Variants in FBXO38 observed in about 807,000 individuals in gnomAD.
FBXO38 encodes F-box protein 38, also known as F-box only protein 38.
FBXO38 carries 53 observed loss-of-function variants against 131.9 expected under a neutral mutation model. That is an observed-to-expected ratio of 0.40 (90% confidence interval 0.32 to 0.51). The LOEUF (loss-of-function observed/expected upper bound fraction) is 0.51. Ranked by LOEUF, FBXO38 falls within the 20% of genes least tolerant of loss-of-function variation. The probability of loss-of-function intolerance (pLI) is 0.53; values close to 1 mark genes in which losing one functional copy is unlikely to be tolerated. For missense variants in FBXO38, 1,076 were observed against 1,475.6 expected (o/e 0.73, Z 4.44); for synonymous variants, 452 against 505.6 (o/e 0.89, Z 1.42).
At chr5:148,412,636 T>A (rs930646001) in intron 9 of FBXO38, among the ~76,000 whole-genome samples, 1 of 152,064 alleles carries the variant, frequency 6.6e-6, no homozygotes, top group African/African-American at 2.4e-5. Context: ...GTTCTAGCAA[T>A]TTAGTCCTAG....
rs950760967 is a variant in FBXO38, at chr5:148,432,790, T to C, written c.2654-634T>C. Reference sequence around the variant, plus strand: ...TGTTGTTGCCTTTAACGAGCTGTTATGTGAATGGACCAACAAAACAAGTAT... The same window carrying C: ...TGTTGTTGCCTTTAACGAGCTGTTACGTGAATGGACCAACAAAACAAGTAT... On this transcript the variant is annotated intron_variant, in intron 15 of 21. Coordinates refer to ENST00000340253, the MANE Select transcript of FBXO38 (RefSeq NM_205836.3). Among the ~76,000 whole-genome samples the C allele has an allele frequency of 1.2e-4, 19 of 152,358 alleles. No individual in the cohort carries two copies. In the South Asian group the frequency reaches 3.5e-3, roughly 28 times the overall value.
Position 148,414,241 on chromosome 5 carries a change from C to G in FBXO38, c.1199C>G (p.Ser400Cys), listed in dbSNP as rs200134475. The G allele has an allele frequency of 1.2e-5, 20 of 1,612,494 alleles. No individual in the cohort carries two copies. Among genetic ancestry groups the G allele is most frequent in the Non-Finnish European group, 1.6e-5 (19 of 1,179,296 alleles). The change falls in exon 10 of 22, where the codon TCC becomes TGC. Residue 400 changes from serine to cysteine, a missense_variant. Around this residue, in one of 8 missense-constraint regions of FBXO38, gnomAD observed 146 missense variants for 274.3 expected, o/e 0.53. Coordinates refer to ENST00000340253, the MANE Select transcript of FBXO38 (RefSeq NM_205836.3). ...ATGAAAGCAGTCAATGAAGTTTTTT[C>G]CTGTATCAAATATCTGGCAATTTAC... ...IGMKAVNEVF[S>C]CIKYLAIYNC...
intron 9 of FBXO38, 36 bp from the exon 10 acceptor site, chr5:148,414,100 T>A (rs762465817): frequency 3.8e-6 from 6 of 1,577,422 alleles, no homozygotes; most frequent in Non-Finnish European, 5.1e-6. Flanking sequence ...CTTAAGAATT[T>A]GACTTTTTTT....
At chr5:148,396,030 A>G (rs1325862680) in intron 2 of FBXO38, among the ~76,000 whole-genome samples, 1 of 152,150 alleles carries the variant, frequency 6.6e-6, no homozygotes, top group Non-Finnish European at 1.5e-5. Flanking sequence ...TAAAATAGCA[A>G]TAACAGTTAT....
Position 148,417,053 on chromosome 5 carries a change from T to C in FBXO38, c.1467T>C (p.Val489=), listed in dbSNP as rs759754735. Reference sequence around the variant, plus strand: ...GAATTGGTGTTTCATCAGCTCTTGTTAGCAACCAGAACTCCAACAATGACG... The same window carrying C: ...GAATTGGTGTTTCATCAGCTCTTGTCAGCAACCAGAACTCCAACAATGACG... ...GTGIGVSSAL[V]SNQNSNNDDN... The change falls in exon 12 of 22, where the codon GTT becomes GTC. Residue 489 remains valine, a synonymous_variant. Transcript: ENST00000340253. 2 of 1,613,862 alleles carry C rather than the reference T, an allele frequency of 1.2e-6. No individual in the cohort carries two copies. Among genetic ancestry groups the C allele is most frequent in the South Asian group, 1.1e-5 (1 of 91,068 alleles).
intron 12 of FBXO38, among the ~76,000 whole-genome samples, chr5:148,420,494 G>A (rs1581267423): frequency 6.6e-6 from 1 of 152,056 alleles, no homozygotes. Context: ...TTCTGTAATT[G>A]CTAAAGCATA....
intron 17 of FBXO38, among the ~76,000 whole-genome samples, chr5:148,435,254 T>C (rs1581302012): frequency 6.6e-6 from 1 of 152,232 alleles, no homozygotes; most frequent in East Asian, 1.9e-4. Flanking sequence ...TGTGGCTGGT[T>C]TGATTTGTCT....
In FBXO38 at chr5:148,396,459, A is replaced by G. The variant is rs183917770; in HGVS notation, c.128+1555A>G. On this transcript the variant is annotated intron_variant, in intron 2 of 21. Transcript: ENST00000340253. ...TTCAGCAATGATGTCTCAACCTACA[A>G]ACCATTTGGAGAAAAAAATAAAAGC... 3.1e-4 allele frequency among the ~76,000 whole-genome samples: 47 copies of G among 152,286 alleles called. 1 individual carries two copies. Among genetic ancestry groups the G allele is most frequent in the African/African-American group, 1.0e-3 (43 of 41,562 alleles).
chr5:148,414,329 G>C, intron 10 of FBXO38, 23 bp downstream of exon 10: 1 of 1,544,498 alleles, frequency 6.5e-7, no homozygotes. Flanking sequence ...TAAAAATACA[G>C]CTATGTTTTA....
chr5:148,392,916 G>A (rs1044946152), intron 1 of FBXO38, among the ~76,000 whole-genome samples: 1 of 152,110 alleles, frequency 6.6e-6, no homozygotes, highest in Non-Finnish European at 1.5e-5. Context: ...TCATTTGGAG[G>A]AGGCAGGGCA....
At chr5:148,398,973 A>G (rs753296785) in intron 2 of FBXO38, 26 bp from the exon 3 acceptor site, 4 of 1,612,390 alleles carry the variant, frequency 2.5e-6, no homozygotes, top group Non-Finnish European at 3.4e-6. Flanking sequence ...CCACTTGATA[A>G]ATACGAGTTT....
intron 10 of FBXO38, among the ~76,000 whole-genome samples, chr5:148,415,029 A>C (rs1752971798): frequency 6.6e-6 from 1 of 152,112 alleles, no homozygotes; most frequent in African/African-American, 2.4e-5. Context: ...CAAAGCTACT[A>C]TCCAGGCCTA....
intron 12 of FBXO38, among the ~76,000 whole-genome samples, chr5:148,419,368 TAA>T (rs1230997741): frequency 1.3e-5 from 2 of 152,010 alleles, no homozygotes; most frequent in African/African-American, 4.8e-5. Flanking sequence ...CACACACATA[TAA>T]GTTAGATTTT....
chr5:148,435,943 C>T (rs1005771675), intron 17 of FBXO38, among the ~76,000 whole-genome samples: 35 of 152,116 alleles, frequency 2.3e-4, no homozygotes, highest in African/African-American at 8.5e-4. Context: ...GGAGAGCAGT[C>T]AGGACACACA....
intron 1 of FBXO38, among the ~76,000 whole-genome samples, chr5:148,393,561 G>A (rs943902214): frequency 1.3e-5 from 2 of 152,004 alleles, no homozygotes; most frequent in Non-Finnish European, 1.5e-5. Context: ...GTTATATGAG[G>A]CTTCACAACT....
chr5:148,438,019 A>C (rs1306444598), intron 17 of FBXO38, among the ~76,000 whole-genome samples: 1 of 152,196 alleles, frequency 6.6e-6, no homozygotes, highest in Admixed American at 6.6e-5. Flanking sequence ...ATTGACTATA[A>C]AAATGTATAA....
chr5:148,422,041 C>A (rs948096626), intron 12 of FBXO38, among the ~76,000 whole-genome samples: 1 of 147,092 alleles, frequency 6.8e-6, no homozygotes, highest in African/African-American at 2.5e-5. Context: ...TACATCAGAC[C>A]TTTCTCTTTT....
At chr5:148,403,335 G>A (rs981777828) in intron 5 of FBXO38, among the ~76,000 whole-genome samples, 40 of 152,080 alleles carry the variant, frequency 2.6e-4, no homozygotes, top group African/African-American at 8.5e-4. Context: ...CAGAGGTGTG[G>A]TAAATTAATA....
chr5:148,438,184 A>AT (rs1455408794), intron 17 of FBXO38, 148 bp from the exon 18 acceptor site: 6 of 626,664 alleles, frequency 9.6e-6, no homozygotes, highest in Admixed American at 7.4e-5. Context: ...ACATTTTCAA[A>AT]TTTTTTTGTT....
Sources: gnomAD v4.1 joint callset for allele counts (sites outside exome capture counted in the v4.1 genomes callset) on GRCh38, gnomAD v4.1.1 for gene constraint, gnomAD v4.1.1 regional missense constraint, MANE v1.5 for transcripts, NCBI Gene and HGNC (gene_info 2026-07-23, HGNC 2026-07-21) for gene names.